Variants in ADGRE2 observed in about 807,000 individuals in gnomAD.
ADGRE2 encodes adhesion G protein-coupled receptor E2.
A neutral mutation model predicts 100.8 loss-of-function variants in ADGRE2; 83 were observed. That is an observed-to-expected ratio of 0.82 (90% CI 0.69 to 0.99). The LOEUF (loss-of-function observed/expected upper bound fraction) is 0.99, where lower values mean the gene tolerates loss of function less well. Among genes scored for constraint, ADGRE2 ranks in the 50% least tolerant of loss-of-function variants. ADGRE2 has a pLI of 0.00. For missense variants in ADGRE2, 814 were observed against 1,035.7 expected (o/e 0.79, Z 2.94); for synonymous variants, 355 against 413.0 (o/e 0.86, Z 1.70).
At chr19:14,755,274 A>T in intron 13 of ADGRE2, 147 bp from the exon 14 acceptor site, 1 of 499,202 alleles carries the variant, frequency 2.0e-6, no homozygotes, top group Non-Finnish European at 3.2e-6. Flanking sequence ...TCTCTACTAA[A>T]AAAAAAAAAA....
At chr19:14,730,913 G>T (rs1453770939), downstream of ADGRE2, among the ~76,000 whole-genome samples, 1 of 151,770 alleles carries the variant, frequency 6.6e-6, no homozygotes, top group African/African-American at 2.4e-5. Context: ...TGCGGTATTT[G>T]GTTTTCTAAG....
At chr19:14,774,158 C>T in intron 3 of ADGRE2, 98 bp downstream of exon 3, 1 of 1,485,734 alleles carries the variant, frequency 6.7e-7, no homozygotes, top group Non-Finnish European at 9.3e-7. Flanking sequence ...CGTGCACGAG[C>T]CCTCTCTTTC....
At chr19:14,742,186 T>G in intron 20 of ADGRE2, 1 of 398,030 alleles carries the variant, frequency 2.5e-6, no homozygotes, top group Non-Finnish European at 4.4e-6. Context: ...ACCCGCTGAT[T>G]CCCAGGTTGC....
In ADGRE2 at chr19:14,735,693, C is replaced by T. The variant is rs1176290705; in HGVS notation, c.*543G>A. The T allele has an allele frequency of 6.6e-6, 1 of 152,198 alleles. No individual in the cohort carries two copies. Among genetic ancestry groups the T allele is most frequent in the Non-Finnish European group, 1.5e-5 (1 of 68,046 alleles). 9.4% of individuals were successfully genotyped at this position (152,198 alleles called of 1,614,324 possible). A position where few individuals can be genotyped will look rare whatever the true frequency, so the allele number is the denominator to read the frequency against. Reference sequence around the variant, plus strand: ...CCACTTCATTTTCCCCTAAAAGCTCCATGAAGGCAGGAGCCGTGTCTCTCT... The same window carrying T: ...CCACTTCATTTTCCCCTAAAAGCTCTATGAAGGCAGGAGCCGTGTCTCTCT... On this transcript the variant is annotated 3_prime_UTR_variant, in exon 21 of 21. Coordinates refer to ENST00000315576, the MANE Select transcript of ADGRE2 (RefSeq NM_013447.4).
chr19:14,756,384 G>C, intron 11 of ADGRE2, 39 bp from the exon 12 acceptor site: 1 of 1,422,160 alleles, frequency 7.0e-7, no homozygotes, highest in Non-Finnish European at 9.9e-7. Context: ...GGTTAGGTTA[G>C]GAATCGTGCC....
the ADGRE2 span, among the ~76,000 whole-genome samples, chr19:14,725,936 G>A: frequency 2.0e-5 from 3 of 152,206 alleles, no homozygotes; most frequent in Non-Finnish European, 4.4e-5. Context: ...TGCCCTGGTA[G>A]GGATTCTTGT....
At chr19:14,747,293 G>A (rs1300458779) in intron 16 of ADGRE2, among the ~76,000 whole-genome samples, 3 of 152,080 alleles carry the variant, frequency 2.0e-5, no homozygotes, top group Admixed American at 6.6e-5. Context: ...TTGAGACCAA[G>A]AGCTTGAGAC....
At chr19:14,767,621 G>A (rs1022653376) in intron 5 of ADGRE2, among the ~76,000 whole-genome samples, 2 of 152,268 alleles carry the variant, frequency 1.3e-5, no homozygotes, top group East Asian at 3.9e-4. Flanking sequence ...GATATGGCTG[G>A]AAGCATCTGA....
intron 20 of ADGRE2, among the ~76,000 whole-genome samples, chr19:14,736,785 AGTATAGATATTTAGAAAT>A (rs1424220062): frequency 3.3e-4 from 39 of 119,088 alleles, no homozygotes; most frequent in African/African-American, 1.3e-3. Context: ...GATATTTAGA[AGTATAGATATTTAGAAAT>A]ATATAGATAT....
chr19:14,761,331 G>A (rs1408354720), intron 11 of ADGRE2, among the ~76,000 whole-genome samples: 3 of 152,086 alleles, frequency 2.0e-5, no homozygotes, highest in South Asian at 4.1e-4. Context: ...GCTTGAACCC[G>A]GGAGGTGGAG....
At chr19:14,744,951 G>A (rs1198651831) in intron 18 of ADGRE2, among the ~76,000 whole-genome samples, 3 of 151,794 alleles carry the variant, frequency 2.0e-5, no homozygotes, top group Admixed American at 6.6e-5. Flanking sequence ...GTGCAGTGGC[G>A]CAATCTCGGC....
chr19:14,732,383 G>A (rs912599600), downstream of ADGRE2: 1 of 152,114 alleles, frequency 6.6e-6, no homozygotes, highest in African/African-American at 2.4e-5. Flanking sequence ...TGCACACTGG[G>A]AAACCAAAAA....
At chr19:14,736,395 A>G in intron 20 of ADGRE2, 151 bp from the exon 21 acceptor site, 1 of 523,552 alleles carries the variant, frequency 1.9e-6, no homozygotes, top group Non-Finnish European at 3.4e-6. Context: ...CAGAGTAGCC[A>G]GGATTAGAGG....
rs972149846 is a variant in ADGRE2, at chr19:14,743,856, A to G, written c.2184-72T>C. ...AATCAAGGCTATTTCATCTGTGCCC[A>G]TGGAGTCCCCTGCCCTCCCCTGTAG... On this transcript the variant is annotated intron_variant, in intron 18 of 20. Coordinates refer to ENST00000315576, the MANE Select transcript of ADGRE2 (RefSeq NM_013447.4). 7 of 1,428,206 alleles carry G rather than the reference A, an allele frequency of 4.9e-6. 1 individual carries two copies. Among genetic ancestry groups the G allele is most frequent in the Non-Finnish European group, 5.8e-6 (6 of 1,026,142 alleles). 88.5% of individuals were successfully genotyped at this position (1,428,206 alleles called of 1,614,324 possible). A position where few individuals can be genotyped will look rare whatever the true frequency, so the allele number is the denominator to read the frequency against.
intron 1 of ADGRE2, 74 bp from the exon 2 acceptor site, chr19:14,777,001 CA>C: frequency 1.5e-6 from 2 of 1,372,662 alleles, no homozygotes; most frequent in Non-Finnish European, 9.4e-7. Flanking sequence ...CACACACACA[CA>C]CACACACACA....
intron 6 of ADGRE2, among the ~76,000 whole-genome samples, chr19:14,766,766 C>A (rs1056378201): frequency 2.0e-5 from 3 of 152,210 alleles, no homozygotes; most frequent in Admixed American, 6.5e-5. Flanking sequence ...TGGGGGCCCA[C>A]AAGGGCACTC....
chr19:14,775,385 C>A (rs937213886), intron 2 of ADGRE2, among the ~76,000 whole-genome samples: 1 of 151,730 alleles, frequency 6.6e-6, no homozygotes, highest in Non-Finnish European at 1.5e-5. Context: ...GAACTCCTGG[C>A]CTCAAGCGAT....
chr19:14,769,544 G>T (rs900789499), intron 5 of ADGRE2, among the ~76,000 whole-genome samples: 6 of 152,150 alleles, frequency 3.9e-5, no homozygotes, highest in African/African-American at 1.4e-4. Context: ...CAAGAGGCAG[G>T]TCCTGCTCCG....
intron 13 of ADGRE2, 146 bp from the exon 14 acceptor site, chr19:14,755,273 A>C: frequency 2.4e-6 from 1 of 416,438 alleles, no homozygotes; most frequent in Non-Finnish European, 3.8e-6. Flanking sequence ...ATCTCTACTA[A>C]AAAAAAAAAA....
Sources: allele counts gnomAD v4.1 joint callset (sites outside exome capture counted in the v4.1 genomes callset), GRCh38; gene constraint gnomAD v4.1.1; transcripts MANE v1.5; gene names NCBI Gene and HGNC (gene_info 2026-07-23, HGNC 2026-07-21).